The following AGBL1 variants were observed in gnomAD, a reference collection of about 807,000 sequenced individuals.
AGBL1 encodes the protein AGBL carboxypeptidase 1, also known as cytosolic carboxypeptidase 4.
AGBL1 carries 130 observed loss-of-function variants against 118.9 expected under a neutral mutation model. The observed-to-expected ratio is 1.09, with a 90% CI of 0.95 to 1.26. The LOEUF (loss-of-function observed/expected upper bound fraction) is 1.26. Ranked by LOEUF, AGBL1 falls within the 50% of genes most tolerant of loss-of-function variation. The pLI is 0.00. For synonymous variants in AGBL1, 555 were observed against 478.9 expected, an observed-to-expected ratio of 1.16 and a Z score of -2.08; for missense variants, 1,584 against 1,298.1, an observed-to-expected ratio of 1.22 and a Z score of -3.38.
At chr15:86,484,848 T>G (rs758672875) in intron 18 of AGBL1, among the ~76,000 whole-genome samples, 2 of 152,138 alleles carry the variant, frequency 1.3e-5, no homozygotes, top group Non-Finnish European at 2.9e-5. Flanking sequence ...TCAGGCCAGA[T>G]CAGAATCACT....
At position 86,266,640 on chromosome 15, in the gene AGBL1, C is replaced by T. The variant is rs184903542; in HGVS notation, c.1751+183C>T. On this transcript the variant is annotated intron_variant, in intron 12 of 22. Coordinates refer to ENST00000614907, the MANE Select transcript of AGBL1 (RefSeq NM_001386094.1). Reference sequence around the variant, plus strand: ...ATCATCGGCCAGGCGCAGTGGCTCACGCCTGTAATCCCAGCACTTTGGGAG... The same window carrying T: ...ATCATCGGCCAGGCGCAGTGGCTCATGCCTGTAATCCCAGCACTTTGGGAG... Among the ~76,000 whole-genome samples, 74 of 152,312 alleles carry T rather than the reference C, an allele frequency of 4.9e-4. 1 individual carries two copies. Among genetic ancestry groups the T allele is most frequent in the African/African-American group, 1.6e-3 (67 of 41,578 alleles).
chr15:86,273,180 G>C (rs1469129612), intron 15 of AGBL1, among the ~76,000 whole-genome samples: 1 of 152,192 alleles, frequency 6.6e-6, no homozygotes, highest in Non-Finnish European at 1.5e-5. Flanking sequence ...TGGAATTGGG[G>C]AGTAAGAAGG....
intron 22 of AGBL1, among the ~76,000 whole-genome samples, chr15:86,775,944 A>G (rs1177361719): frequency 6.6e-6 from 1 of 152,144 alleles, no homozygotes; most frequent in Non-Finnish European, 1.5e-5. Flanking sequence ...TGTGAAGTTG[A>G]TAAATAGCAT....
intron 18 of AGBL1, among the ~76,000 whole-genome samples, chr15:86,407,911 C>T (rs561764601): frequency 6.6e-6 from 1 of 152,058 alleles, no homozygotes; most frequent in South Asian, 2.1e-4. Context: ...TCCCTGTATG[C>T]CTATGGGTGT....
intron 6 of AGBL1, among the ~76,000 whole-genome samples, chr15:86,226,685 A>T (rs2078369936): frequency 6.6e-6 from 1 of 152,190 alleles, no homozygotes; most frequent in Non-Finnish European, 1.5e-5. Flanking sequence ...TAGGTTTTCA[A>T]CACACCAGCC....
chr15:86,118,353 A>G (rs1012528114), intron 1 of AGBL1, among the ~76,000 whole-genome samples: 5 of 152,206 alleles, frequency 3.3e-5, no homozygotes, highest in African/African-American at 9.6e-5. Context: ...AATTGTATTC[A>G]AGACACGTCT....
intron 17 of AGBL1, among the ~76,000 whole-genome samples, chr15:86,297,435 T>G (rs563888025): frequency 1.8e-4 from 28 of 152,352 alleles, no homozygotes; most frequent in Admixed American, 1.8e-3. Flanking sequence ...CTCTGCTTAA[T>G]GCTTTTCTGC....
chr15:86,730,722 G>T (rs1346215509), intron 22 of AGBL1, among the ~76,000 whole-genome samples: 3 of 152,076 alleles, frequency 2.0e-5, no homozygotes. Context: ...AGAATGCATG[G>T]GAATGGACTT....
At chr15:86,657,512 G>A (rs892238044) in intron 21 of AGBL1, among the ~76,000 whole-genome samples, 1 of 152,166 alleles carries the variant, frequency 6.6e-6, no homozygotes, top group African/African-American at 2.4e-5. Context: ...TTGACTGGAG[G>A]TGACGTTTAG....
At chr15:86,746,519 C>A (rs1329318216) in intron 22 of AGBL1, among the ~76,000 whole-genome samples, 1 of 152,006 alleles carries the variant, frequency 6.6e-6, no homozygotes, top group Non-Finnish European at 1.5e-5. Context: ...ATTATAATTC[C>A]CTGATCGTGC....
At chr15:86,329,813 G>T (rs1417316491) in intron 17 of AGBL1, among the ~76,000 whole-genome samples, 1 of 151,802 alleles carries the variant, frequency 6.6e-6, no homozygotes, top group African/African-American at 2.4e-5. Flanking sequence ...GCACCTGTTT[G>T]CCTGGTTTAG....
At chr15:86,883,709 G>C (rs1390610406) in intron 22 of AGBL1, among the ~76,000 whole-genome samples, 1 of 152,090 alleles carries the variant, frequency 6.6e-6, no homozygotes, top group Admixed American at 6.6e-5. Flanking sequence ...GTGGAAGAAA[G>C]GTTGCTTTTC....
At chr15:86,118,378 C>G (rs970908740) in intron 1 of AGBL1, among the ~76,000 whole-genome samples, 1 of 152,070 alleles carries the variant, frequency 6.6e-6, no homozygotes, top group African/African-American at 2.4e-5. Context: ...TCTGTTTATG[C>G]TCACAAAATG....
chr15:86,867,735 A>C (rs988122890), intron 22 of AGBL1, among the ~76,000 whole-genome samples: 2 of 152,200 alleles, frequency 1.3e-5, no homozygotes, highest in African/African-American at 4.8e-5. Flanking sequence ...CATTTAAAAG[A>C]AGTAGGATAT....
chr15:86,379,755 A>G (rs1188253424), intron 17 of AGBL1, among the ~76,000 whole-genome samples: 1 of 152,198 alleles, frequency 6.6e-6, no homozygotes, highest in Non-Finnish European at 1.5e-5. Context: ...CTGCTCACTG[A>G]CACAGGACAT....
At chr15:86,882,191 G>T (rs1256377224) in intron 22 of AGBL1, among the ~76,000 whole-genome samples, 2 of 152,162 alleles carry the variant, frequency 1.3e-5, no homozygotes, top group East Asian at 1.9e-4. Context: ...CATGACAATG[G>T]TTTTTTGAGA....
At chr15:86,390,876 G>A (rs1012334159) in intron 17 of AGBL1, among the ~76,000 whole-genome samples, 3 of 151,716 alleles carry the variant, frequency 2.0e-5, no homozygotes, top group Non-Finnish European at 4.4e-5. Flanking sequence ...TGCCATGTTG[G>A]CCAGGCTAGT....
chr15:86,675,233 T>C (rs553862971), intron 22 of AGBL1, among the ~76,000 whole-genome samples: 1 of 152,030 alleles, frequency 6.6e-6, no homozygotes, highest in Non-Finnish European at 1.5e-5. Context: ...TCCTGGTAAA[T>C]GAGGAGGCAT....
chr15:86,543,958 A>T (rs1399497821), intron 19 of AGBL1, among the ~76,000 whole-genome samples: 1 of 152,222 alleles, frequency 6.6e-6, no homozygotes, highest in Non-Finnish European at 1.5e-5. Context: ...TATAGAAACT[A>T]TAATGGAATT....
Sources: gnomAD v4.1 joint callset for allele counts (sites outside exome capture counted in the v4.1 genomes callset) on GRCh38, gnomAD v4.1.1 for gene constraint, MANE v1.5 for transcripts, NCBI Gene and HGNC (gene_info 2026-07-23, HGNC 2026-07-21) for gene names.